LRIG1: variants seen among roughly 807,000 people sequenced by gnomAD.
The protein encoded by LRIG1 is leucine-rich repeats and immunoglobulin-like domains protein 1.
In LRIG1, 48 loss-of-function variants were observed where a neutral mutation model predicts 99.2. The observed-to-expected ratio is 0.48, with a 90% CI of 0.38 to 0.62. The LOEUF is 0.62. Ranked by LOEUF, LRIG1 falls within the 20% of genes least tolerant of loss-of-function variation. LRIG1 has a pLI of 0.00. For missense variants in LRIG1, 1,646 were observed against 1,434.4 expected (o/e 1.15, Z -2.38); for synonymous variants, 772 against 596.1 (o/e 1.29, Z -4.30).
intron 7 of LRIG1, 33 bp from the exon 8 acceptor site, chr3:66,407,524 T>C (rs954873846): frequency 1.2e-6 from 2 of 1,608,340 alleles, no homozygotes; most frequent in African/African-American, 1.3e-5. Context: ...TGTCACCATC[T>C]AGTGTGGTTG....
intron 11 of LRIG1, among the ~76,000 whole-genome samples, chr3:66,395,052 C>G (rs114088735): frequency 3.5e-4 from 54 of 152,322 alleles, no homozygotes; most frequent in Non-Finnish European, 6.8e-4. Context: ...GACATTCCTT[C>G]CTGAGGAGTC....
chr3:66,499,855 A>C, intron 1 of LRIG1, among the ~76,000 whole-genome samples: 1 of 89,970 alleles, frequency 1.1e-5, no homozygotes, highest in Non-Finnish European at 2.1e-5. Flanking sequence ...CCGCAAACAC[A>C]CTCAGCTCCA....
At chr3:66,454,934 G>A (rs1410702751) in intron 2 of LRIG1, among the ~76,000 whole-genome samples, 1 of 152,122 alleles carries the variant, frequency 6.6e-6, no homozygotes, top group Middle Eastern at 3.2e-3. Context: ...TCAAACCAAT[G>A]CAGAAATTGT....
At chr3:66,498,750 C>CTA (rs1329791133) in intron 1 of LRIG1, among the ~76,000 whole-genome samples, 2 of 152,260 alleles carry the variant, frequency 1.3e-5, no homozygotes, top group East Asian at 3.9e-4. Flanking sequence ...TATTGAAAAC[C>CTA]TAACTGTAAC....
At chr3:66,392,552 ATCT>A (rs1301594469) in intron 12 of LRIG1, among the ~76,000 whole-genome samples, 1 of 148,232 alleles carries the variant, frequency 6.7e-6, no homozygotes, top group African/African-American at 2.5e-5. Context: ...TGAAACCTTG[ATCT>A]TCTGCCAAGT....
At chr3:66,392,042 T>C (rs947340990) in intron 12 of LRIG1, among the ~76,000 whole-genome samples, 1 of 152,240 alleles carries the variant, frequency 6.6e-6, no homozygotes, top group Non-Finnish European at 1.5e-5. Context: ...TTTCTATGAA[T>C]GGAATCATAT....
At chr3:66,404,819 G>A (rs773067309) in intron 9 of LRIG1, among the ~76,000 whole-genome samples, 1 of 152,124 alleles carries the variant, frequency 6.6e-6, no homozygotes, top group Admixed American at 6.5e-5. Context: ...GAGCCCCACC[G>A]CCCTCACACC....
intron 1 of LRIG1, among the ~76,000 whole-genome samples, chr3:66,494,044 G>A (rs979735335): frequency 2.0e-5 from 3 of 152,006 alleles, no homozygotes; most frequent in Non-Finnish European, 2.9e-5. Flanking sequence ...GAAGGAATCT[G>A]GCTTGGAGAG....
At chr3:66,453,830 G>A (rs1703984867) in intron 2 of LRIG1, among the ~76,000 whole-genome samples, 1 of 152,234 alleles carries the variant, frequency 6.6e-6, no homozygotes, top group South Asian at 2.1e-4. Flanking sequence ...CTGAAACAAA[G>A]CGTATGGACT....
At chr3:66,387,357 ATGAC>A (rs1463456965) in intron 12 of LRIG1, 1 of 152,086 alleles carries the variant, frequency 6.6e-6, no homozygotes, top group African/African-American at 2.4e-5. Flanking sequence ...GTGGCTGAGC[ATGAC>A]TGTCTACACA....
intron 3 of LRIG1, among the ~76,000 whole-genome samples, chr3:66,418,264 T>A (rs570336919): frequency 1.0e-3 from 153 of 152,176 alleles, no homozygotes; most frequent in African/African-American, 3.2e-3. Flanking sequence ...GCTAATTTTT[T>A]AATTTTTTTT....
At chr3:66,410,785 T>C (rs1343140083) in intron 6 of LRIG1, among the ~76,000 whole-genome samples, 4 of 152,188 alleles carry the variant, frequency 2.6e-5, no homozygotes, top group Non-Finnish European at 4.4e-5. Context: ...GCGGCTCTTA[T>C]TATCACCCGC....
intron 1 of LRIG1, among the ~76,000 whole-genome samples, chr3:66,467,357 ATTT>A (rs11360909): frequency 1.1e-3 from 112 of 99,924 alleles, no homozygotes; most frequent in African/African-American, 3.2e-3. Context: ...CACACTAGCT[ATTT>A]TTTTTTTTTT....
chr3:66,382,095 T>C lies in LRIG1; in HGVS notation c.2617+178A>G, dbSNP rs1398180970. On this transcript the variant is annotated intron_variant, in intron 16 of 18. Coordinates refer to ENST00000273261, the MANE Select transcript of LRIG1 (RefSeq NM_015541.3). ...CCTGAGGGGACAGGACTTTAAAACC[T>C]TGCAGAACTCATGAAGACTGGGTCC... Among the ~76,000 whole-genome samples the C allele has an allele frequency of 2.0e-5, 3 of 152,176 alleles. No homozygotes were observed. In the East Asian group the frequency reaches 5.8e-4, roughly 29 times the overall value.
chr3:66,420,102 C>A (rs1559790380), intron 3 of LRIG1, among the ~76,000 whole-genome samples: 1 of 152,108 alleles, frequency 6.6e-6, no homozygotes, highest in Non-Finnish European at 1.5e-5. Context: ...ACAACAACAA[C>A]AAAAAACAAC....
At chr3:66,410,615 A>G (rs138893834) in intron 6 of LRIG1, among the ~76,000 whole-genome samples, 6 of 152,318 alleles carry the variant, frequency 3.9e-5, no homozygotes, top group African/African-American at 1.4e-4. Context: ...AAGAAGGAGG[A>G]TCGCTTGAGC....
chr3:66,394,687 A>G (rs1234672425), intron 11 of LRIG1, among the ~76,000 whole-genome samples: 2 of 152,182 alleles, frequency 1.3e-5, no homozygotes, highest in African/African-American at 4.8e-5. Context: ...TCGGCCTGAG[A>G]CTTTGATCCA....
chr3:66,496,533 C>T (rs1232769629), intron 1 of LRIG1, among the ~76,000 whole-genome samples: 1 of 152,206 alleles, frequency 6.6e-6, no homozygotes, highest in Non-Finnish European at 1.5e-5. Flanking sequence ...TGAGCTCAAG[C>T]TAAAGTTCCC....
At chr3:66,389,985 CTTTAAAGATT>C (rs1004405226) in intron 12 of LRIG1, among the ~76,000 whole-genome samples, 17 of 152,018 alleles carry the variant, frequency 1.1e-4, no homozygotes, top group African/African-American at 4.1e-4. Context: ...ATTGGGTGCC[CTTTAAAGATT>C]TTTAAAGATA....
Sources: allele counts gnomAD v4.1 joint callset (sites outside exome capture counted in the v4.1 genomes callset), GRCh38; gene constraint gnomAD v4.1.1; transcripts MANE v1.5; gene names NCBI Gene and HGNC (gene_info 2026-07-23, HGNC 2026-07-21).